The following USP34 variants were observed in gnomAD, a reference collection of about 807,000 sequenced individuals.
USP34 encodes ubiquitin specific peptidase 34, also known as ubiquitin carboxyl-terminal hydrolase 34.
A neutral mutation model predicts 460.3 loss-of-function variants in USP34; 70 were observed. The observed-to-expected ratio is 0.15, with a 90% CI of 0.13 to 0.19. USP34 has a LOEUF of 0.19. USP34 is among the 10% of genes least tolerant of loss of function. The pLI, the probability that USP34 is intolerant of heterozygous loss-of-function variation, is 1.00. For missense variants in USP34, 3,985 were observed against 4,236.2 expected, an observed-to-expected ratio of 0.94 and a Z score of 1.65; for synonymous variants, 1,647 against 1,405.3, an observed-to-expected ratio of 1.17 and a Z score of -3.85.
chr2:61,270,035 C>T (rs1254824325), intron 41 of USP34, among the ~76,000 whole-genome samples: 1 of 152,284 alleles, frequency 6.6e-6, no homozygotes, highest in East Asian at 1.9e-4. Context: ...TTTTTGTATT[C>T]ATTAGCCAAT....
chr2:61,423,708 T>C (rs975920595), intron 1 of USP34, among the ~76,000 whole-genome samples: 4 of 152,210 alleles, frequency 2.6e-5, no homozygotes, highest in African/African-American at 9.6e-5. Flanking sequence ...CTTTGGTAGG[T>C]TGAGGCAGGA....
At chr2:61,296,067 T>C (rs1012586778) in intron 30 of USP34, among the ~76,000 whole-genome samples, 1 of 152,038 alleles carries the variant, frequency 6.6e-6, no homozygotes, top group Non-Finnish European at 1.5e-5. Flanking sequence ...TAGATCAACT[T>C]GGCCAAAACG....
intron 8 of USP34, among the ~76,000 whole-genome samples, chr2:61,374,866 G>C (rs1465543824): frequency 2.0e-5 from 3 of 152,168 alleles, no homozygotes; most frequent in Admixed American, 1.3e-4. Context: ...ACTGCACTCA[G>C]TCTCCTACTT....
chr2:61,253,446 T>C (rs1398185422), intron 48 of USP34, among the ~76,000 whole-genome samples: 1 of 152,224 alleles, frequency 6.6e-6, no homozygotes, highest in Non-Finnish European at 1.5e-5. Context: ...CCAACTCTCA[T>C]CAGATGAGTT....
At chr2:61,371,290 C>CA (rs1692616308) in intron 8 of USP34, among the ~76,000 whole-genome samples, 1 of 151,960 alleles carries the variant, frequency 6.6e-6, no homozygotes, top group African/African-American at 2.4e-5. Context: ...AAAAGTATAG[C>CA]ATGTACATAC....
intron 47 of USP34, 123 bp downstream of exon 47, chr2:61,256,750 A>T (rs1572876717): frequency 1.4e-6 from 1 of 716,310 alleles, no homozygotes. Flanking sequence ...TGAATAGTAC[A>T]GTAAGAAGAA....
intron 15 of USP34, among the ~76,000 whole-genome samples, chr2:61,347,663 T>G (rs1293774746): frequency 6.6e-6 from 1 of 152,164 alleles, no homozygotes; most frequent in Non-Finnish European, 1.5e-5. Flanking sequence ...TGTGAGCCAC[T>G]GTGCATGGCC....
chr2:61,428,003 A>T (rs780024526), intron 1 of USP34, among the ~76,000 whole-genome samples: 5 of 151,964 alleles, frequency 3.3e-5, no homozygotes, highest in African/African-American at 9.7e-5. Flanking sequence ...TCTCTACTAA[A>T]AACACAAAAA....
chr2:61,203,109 G>C (rs761048500), intron 75 of USP34, 31 bp downstream of exon 75: 1 of 1,512,558 alleles, frequency 6.6e-7, no homozygotes, highest in Non-Finnish European at 8.9e-7. Flanking sequence ...AAATAATTCA[G>C]TGGAATTTAC....
intron 1 of USP34, among the ~76,000 whole-genome samples, chr2:61,443,374 C>A (rs1695019796): frequency 6.6e-6 from 1 of 152,056 alleles, no homozygotes; most frequent in African/African-American, 2.4e-5. Flanking sequence ...TGTATCAACA[C>A]ATCACTATAT....
At chr2:61,446,304 A>G (rs1275306052) in intron 1 of USP34, among the ~76,000 whole-genome samples, 1 of 152,040 alleles carries the variant, frequency 6.6e-6, no homozygotes, top group Non-Finnish European at 1.5e-5. Flanking sequence ...GTGCTTCTGT[A>G]CTCCATCATA....
At chr2:61,315,123 T>G in intron 23 of USP34, 149 bp from the exon 24 acceptor site, 6 of 569,866 alleles carry the variant, frequency 1.1e-5, no homozygotes, top group Non-Finnish European at 1.8e-5. Flanking sequence ...TTTCCTCAAT[T>G]GATGAAATAC....
intron 69 of USP34, among the ~76,000 whole-genome samples, chr2:61,209,855 G>C (rs578190496): frequency 6.6e-6 from 1 of 152,110 alleles, no homozygotes; most frequent in Non-Finnish European, 1.5e-5. Context: ...TGTGGAGGTG[G>C]GAGACAGAGA....
At chr2:61,438,268 T>C (rs971281622) in intron 1 of USP34, among the ~76,000 whole-genome samples, 2 of 151,992 alleles carry the variant, frequency 1.3e-5, no homozygotes, top group Admixed American at 6.6e-5. Flanking sequence ...ATCATCTCAA[T>C]AGAATCGGAA....
intron 33 of USP34, among the ~76,000 whole-genome samples, chr2:61,289,431 G>A (rs888946615): frequency 6.6e-6 from 1 of 151,956 alleles, no homozygotes; most frequent in African/African-American, 2.4e-5. Flanking sequence ...ATATTGTTTA[G>A]TATGTATAAA....
chr2:61,323,054 C>T (rs1572934316), intron 21 of USP34, among the ~76,000 whole-genome samples: 1 of 152,100 alleles, frequency 6.6e-6, no homozygotes, highest in African/African-American at 2.4e-5. Context: ...GAAGTAACTT[C>T]GTTATGGGTA....
rs1243610211 is a variant in USP34 at position 61,293,473 on chromosome 2, T to C, written c.4539A>G (p.Ser1513=). 8 of 1,612,386 alleles carry C rather than the reference T, an allele frequency of 5.0e-6. No homozygotes were observed. The East Asian group carries it at 1.1e-4, about 23-fold the overall frequency. ...SGILEPKEQE[S]WTVWQLDCLA... ...ATAAATATGCACTTACCACAGTCCA[T>C]GATTCCTGCTCTTTAGGCTCTAGAA... Residue 1513 remains serine, a synonymous_variant, in exon 33 of 80, where the codon TCA becomes TCG. Transcript: ENST00000398571.
At chr2:61,280,456 C>A (rs764245263) in intron 38 of USP34, 108 bp from the exon 39 acceptor site, 301 of 489,220 alleles carry the variant, frequency 6.2e-4, no homozygotes, top group Non-Finnish European at 8.5e-4. Context: ...ATCCACTAAA[C>A]AGTATTCAAA....
chr2:61,187,883 A>T lies in USP34; in HGVS notation c.*219T>A. On this transcript the variant is annotated 3_prime_UTR_variant, in exon 80 of 80. Transcript: ENST00000398571. ...AAGTGAACTCTTAATTACATAAAAC[A>T]TATCCATTATCTGATTGCCCTTTAG... The T allele has an allele frequency of 7.2e-7, 1 of 1,382,128 alleles. No individual in the cohort carries two copies. Among genetic ancestry groups the T allele is most frequent in the South Asian group, 1.8e-5 (1 of 56,996 alleles). The allele number at this position is 1,382,128 out of a possible 1,614,324, so 85.6% of individuals were successfully genotyped here.
Sources: allele counts gnomAD v4.1 joint callset (sites outside exome capture counted in the v4.1 genomes callset), GRCh38; gene constraint gnomAD v4.1.1; transcripts MANE v1.5; gene names NCBI Gene and HGNC (gene_info 2026-07-23, HGNC 2026-07-21).